Variants in UNC80 observed in about 807,000 individuals in gnomAD.
UNC80 encodes unc-80 subunit of NALCN channel complex, also known as protein unc-80 homolog.
UNC80 carries 164 observed loss-of-function variants against 384.6 expected under a neutral mutation model. The observed-to-expected ratio is 0.43, with a 90% CI of 0.38 to 0.49. The LOEUF (loss-of-function observed/expected upper bound fraction) is 0.49. Among genes scored for constraint, UNC80 ranks in the 20% least tolerant of loss-of-function variants. UNC80 has a pLI of 0.00. For synonymous variants in UNC80, 1,486 were observed against 1,527.8 expected (o/e 0.97, Z 0.64); for missense variants, 3,330 against 4,143.0 (o/e 0.80, Z 5.39).
At chr2:209,789,677 A>G (rs1341720281) in intron 6 of UNC80, 72 bp downstream of exon 6, 4 of 1,115,042 alleles carry the variant, frequency 3.6e-6, no homozygotes, top group Non-Finnish European at 5.4e-6. Flanking sequence ...GAAGGGAAAG[A>G]CATGAGTTCT....
chr2:209,844,520 C>T (rs993505549), intron 21 of UNC80, among the ~76,000 whole-genome samples: 226 of 124,416 alleles, frequency 1.8e-3, no homozygotes, highest in East Asian at 3.8e-3. Context: ...TCCTTCCTTC[C>T]TTCCTTCCTT....
intron 25 of UNC80, among the ~76,000 whole-genome samples, chr2:209,887,413 C>G (rs1427372817): frequency 6.6e-6 from 1 of 152,160 alleles, no homozygotes; most frequent in Non-Finnish European, 1.5e-5. Context: ...CTGACTACAG[C>G]CTGGAAAGGC....
Position 209,972,229 on chromosome 2 carries a change from A to T in UNC80, c.8285A>T (p.His2762Leu), listed in dbSNP as rs770273655. ...QALKEDFPLSHVISPFTNQER... is the reference protein window; with the variant it reads ...QALKEDFPLSLVISPFTNQER... ...TTAAAAGAAGATTTTCCTTTAAGCC[A>T]TGTGATCTCCCCATTCACCAATCAA... The change falls in exon 55 of 65, where the codon CAT (histidine) becomes CTT (leucine). Residue 2762 changes from histidine to leucine, a missense_variant. His to Leu is a moderately conservative substitution (Grantham distance 99). Transcript: ENST00000673920. 1 of 1,551,532 alleles carries T rather than the reference A, an allele frequency of 6.4e-7. No individual in the cohort carries two copies.
chr2:209,979,734 T>G (rs1157481925), intron 59 of UNC80, among the ~76,000 whole-genome samples: 4 of 152,208 alleles, frequency 2.6e-5, no homozygotes, highest in Non-Finnish European at 5.9e-5. Flanking sequence ...TTTCCACTTG[T>G]GTGTTAAGAT....
At chr2:209,947,302 A>G (rs375544958) in intron 47 of UNC80, among the ~76,000 whole-genome samples, 8 of 152,340 alleles carry the variant, frequency 5.3e-5, no homozygotes, top group African/African-American at 1.9e-4. Flanking sequence ...ATATTCTGCA[A>G]TTGAGACACT....
chr2:209,971,807 A>G (rs2092895425), intron 54 of UNC80, among the ~76,000 whole-genome samples: 1 of 152,226 alleles, frequency 6.6e-6, no homozygotes, highest in African/African-American at 2.4e-5. Context: ...AAGGCCTTTC[A>G]TGGCAGGGGC....
At chr2:209,932,625 T>A (rs2090967442) in intron 38 of UNC80, among the ~76,000 whole-genome samples, 1 of 152,190 alleles carries the variant, frequency 6.6e-6, no homozygotes, top group African/African-American at 2.4e-5. Context: ...CCAGATAGTT[T>A]TAAAAGAAAT....
intron 22 of UNC80, among the ~76,000 whole-genome samples, chr2:209,868,737 C>G (rs1308993573): frequency 6.6e-6 from 1 of 152,138 alleles, no homozygotes; most frequent in Non-Finnish European, 1.5e-5. Flanking sequence ...ACTGGACAAC[C>G]CTGTAACCCA....
intron 10 of UNC80, among the ~76,000 whole-genome samples, chr2:209,817,527 C>G (rs1403075933): frequency 6.6e-6 from 1 of 151,578 alleles, no homozygotes; most frequent in Non-Finnish European, 1.5e-5. Context: ...GGATTGCATA[C>G]TAAATAGGCC....
At chr2:209,830,217 A>G (rs1247027520) in intron 15 of UNC80, among the ~76,000 whole-genome samples, 1 of 152,240 alleles carries the variant, frequency 6.6e-6, no homozygotes, top group Non-Finnish European at 1.5e-5. Context: ...ATTTAGAAGC[A>G]GTTTTCCTGG....
At chr2:209,870,426 T>G (rs960004572) in intron 22 of UNC80, among the ~76,000 whole-genome samples, 2 of 152,178 alleles carry the variant, frequency 1.3e-5, no homozygotes, top group Admixed American at 6.5e-5. Context: ...GGCATGGCAC[T>G]GCAATACTGC....
chr2:209,942,245 C>T (rs1353004241), intron 44 of UNC80, among the ~76,000 whole-genome samples: 2 of 152,100 alleles, frequency 1.3e-5, no homozygotes, highest in African/African-American at 2.4e-5. Context: ...CCGCACTCAC[C>T]CTGGTCCATG....
chr2:209,800,901 C>T (rs554354347), intron 7 of UNC80, among the ~76,000 whole-genome samples: 1 of 152,304 alleles, frequency 6.6e-6, no homozygotes, highest in African/African-American at 2.4e-5. Context: ...AATTTGATTA[C>T]ACTGTGGTCT....
intron 18 of UNC80, among the ~76,000 whole-genome samples, chr2:209,835,957 A>G (rs1389472102): frequency 6.6e-6 from 1 of 152,214 alleles, no homozygotes; most frequent in Non-Finnish European, 1.5e-5. Flanking sequence ...TGTGATAAAC[A>G]CAATTTTGTG....
At chr2:209,883,359 T>C (rs1402882294) in intron 25 of UNC80, among the ~76,000 whole-genome samples, 3 of 152,020 alleles carry the variant, frequency 2.0e-5, no homozygotes, top group Non-Finnish European at 4.4e-5. Context: ...TGAAATTTTA[T>C]GCCTTTCTAT....
At chr2:209,887,281 T>C (rs1455733746) in intron 25 of UNC80, among the ~76,000 whole-genome samples, 2 of 152,082 alleles carry the variant, frequency 1.3e-5, no homozygotes, top group Non-Finnish European at 2.9e-5. Flanking sequence ...TCAGGTGTTC[T>C]GCCCGCCTCA....
chr2:209,909,377 G>A lies in UNC80; in HGVS notation c.4783-3183G>A, dbSNP rs145172165. 5.3e-5 allele frequency among the ~76,000 whole-genome samples: 8 copies of A among 152,324 alleles called. No individual in the cohort carries two copies. In the East Asian group the frequency reaches 1.5e-3, roughly 29 times the overall value. On this transcript the variant is annotated intron_variant, in intron 29 of 64. Transcript: ENST00000673920. ...GAAACTAGGGACAGGAAAAGAAACA[G>A]CTAAGCCTCAGGGAAATGAGAACCA... is the stretch of plus-strand genomic sequence containing the variant.
intron 25 of UNC80, among the ~76,000 whole-genome samples, chr2:209,886,906 A>G (rs2085860247): frequency 6.6e-6 from 1 of 152,200 alleles, no homozygotes; most frequent in African/African-American, 2.4e-5. Flanking sequence ...GGCTAAAATC[A>G]AGGCATTGGC....
chr2:209,925,093 T>G (rs2090324136), intron 35 of UNC80, among the ~76,000 whole-genome samples: 1 of 146,796 alleles, frequency 6.8e-6, no homozygotes, highest in African/African-American at 2.5e-5. Flanking sequence ...CTTTTTTCCT[T>G]TTTTTTTTTG....
Sources: allele counts gnomAD v4.1 joint callset (sites outside exome capture counted in the v4.1 genomes callset), GRCh38; gene constraint gnomAD v4.1.1; transcripts MANE v1.5; gene names NCBI Gene and HGNC (gene_info 2026-07-23, HGNC 2026-07-21).